The following MS4A7 variants were observed in gnomAD, a reference collection of about 807,000 sequenced individuals.
MS4A7 encodes membrane spanning 4-domains A7.
Under a neutral mutation model 23.5 loss-of-function variants are expected in MS4A7, and 21 were observed. The observed-to-expected ratio is 0.89, with a 90% confidence interval of 0.63 to 1.29. The LOEUF (loss-of-function observed/expected upper bound fraction) is 1.29. MS4A7 is among the 50% of genes most tolerant of loss of function. The pLI is 0.00. For missense variants in MS4A7, 263 were observed against 274.2 expected (o/e 0.96, Z 0.29); for synonymous variants, 111 against 107.4 (o/e 1.03, Z -0.21).
At chr11:60,392,834 G>A (rs745899295) in intron 6 of MS4A7, 48 bp downstream of exon 6, 84 of 1,366,420 alleles carry the variant, frequency 6.1e-5, no homozygotes, top group South Asian at 4.4e-4. Flanking sequence ...CTCAGGTCCA[G>A]GCTACAATAA....
rs1034277786 is a variant in MS4A7 at position 60,395,899 on chromosome 11, T to C, written c.*2038T>C. On this transcript the variant is annotated 3_prime_UTR_variant, in exon 7 of 7. Coordinates refer to ENST00000300184, the MANE Select transcript of MS4A7 (RefSeq NM_021201.5). ...ACATGTAGTACACCCTAAATATATA[T>C]AATTTTTATTTGTCAAATATACCTC... 6.6e-6 allele frequency: 1 copy of C among 152,194 alleles called. No individual in the cohort carries two copies. The highest frequency in any genetic ancestry group is 2.4e-5 in the African/African-American group (1 of 41,454). The allele number at this position is 152,194 out of a possible 1,614,324, so 9.4% of individuals were successfully genotyped here.
chr11:60,383,031 C>T, intron 1 of MS4A7, 98 bp from the exon 2 acceptor site: 1 of 1,335,840 alleles, frequency 7.5e-7, no homozygotes, highest in Non-Finnish European at 1.0e-6. Flanking sequence ...GGAATAATGG[C>T]AAATACCTTC....
In MS4A7 at chr11:60,395,791, G is replaced by GA. The variant is rs1660855636; in HGVS notation, c.*1936dup. On this transcript the variant is annotated 3_prime_UTR_variant, in exon 7 of 7. Coordinates refer to ENST00000300184, the MANE Select transcript of MS4A7 (RefSeq NM_021201.5). ...CTTAAATGTTCTCACTACAAAAAAA[G>GA]AAAAAAGATAACTACGTGAGGTGAT... 1 of 151,862 alleles carries GA rather than the reference G, an allele frequency of 6.6e-6. No individual in the cohort carries two copies. Among genetic ancestry groups the GA allele is most frequent in the South Asian group, 2.1e-4 (1 of 4,820 alleles). 9.4% of individuals were successfully genotyped at this position (151,862 alleles called of 1,614,324 possible). A position where few individuals can be genotyped will look rare whatever the true frequency, so the allele number is the denominator to read the frequency against.
At chr11:60,391,952 GA>G (rs3042727) in intron 5 of MS4A7, among the ~76,000 whole-genome samples, 4,199 of 137,544 alleles carry the variant, frequency 0.031, 173 homozygotes, top group African/African-American at 0.085. Flanking sequence ...AACCAAAATG[GA>G]AAAAAAAAAA....
chr11:60,385,271 C>T (rs747198123), intron 3 of MS4A7, 49 bp downstream of exon 3: 25 of 1,609,076 alleles, frequency 1.6e-5, no homozygotes, highest in Non-Finnish European at 2.0e-5. Flanking sequence ...TAAATGCTAA[C>T]CAGGTGCATA....
rs1369710198 is a variant in MS4A7 at position 60,393,788 on chromosome 11, G to A, written c.650G>A (p.Ser217Asn). The change falls in exon 7 of 7, where the codon AGT (serine) becomes AAT (asparagine). Residue 217 changes from serine (S) to asparagine (N), a missense_variant and splice_region_variant. Transcript: ENST00000300184. ...TCTAACCAATTATGTATTTTCTAGA[G>A]TTCATTTTCCTCGACCCAGTCACAA... ...WKQLYSNNPG[S>N]SFSSTQSQDH... The A allele has an allele frequency of 6.2e-7, 1 of 1,606,982 alleles. No homozygotes were observed. The highest frequency in any genetic ancestry group is 8.5e-7 in the Non-Finnish European group (1 of 1,176,790).
intron 4 of MS4A7, among the ~76,000 whole-genome samples, chr11:60,388,506 T>C (rs184998215): frequency 7.2e-5 from 11 of 152,304 alleles, no homozygotes; most frequent in Non-Finnish European, 1.2e-4. Flanking sequence ...GCTTCAATCA[T>C]CAGGAGCATA....
At chr11:60,390,465 T>C (rs143508125) in intron 5 of MS4A7, among the ~76,000 whole-genome samples, 5 of 152,280 alleles carry the variant, frequency 3.3e-5, no homozygotes, top group South Asian at 2.1e-4. Flanking sequence ...GATCCATCTA[T>C]CTCACAAATC....
At chr11:60,381,758 A>G (rs561408680) in intron 1 of MS4A7, among the ~76,000 whole-genome samples, 1 of 152,256 alleles carries the variant, frequency 6.6e-6, no homozygotes, top group African/African-American at 2.4e-5. Flanking sequence ...CCACAAACCT[A>G]TGAAGTGGTG....
chr11:60,380,013 C>G (rs945961808), intron 1 of MS4A7, among the ~76,000 whole-genome samples: 7 of 152,220 alleles, frequency 4.6e-5, no homozygotes, highest in African/African-American at 1.7e-4. Flanking sequence ...ATTCTACTTT[C>G]AGTGAATTTG....
intron 3 of MS4A7, 27 bp downstream of exon 3, chr11:60,385,249 G>A (rs185509607): frequency 6.2e-7 from 1 of 1,612,994 alleles, no homozygotes; most frequent in Non-Finnish European, 8.5e-7. Context: ...CTCTAAGAGG[G>A]GACATGCTTT....
intron 1 of MS4A7, among the ~76,000 whole-genome samples, chr11:60,382,477 A>G (rs1172977236): frequency 6.6e-6 from 1 of 152,230 alleles, no homozygotes; most frequent in Non-Finnish European, 1.5e-5. Context: ...ATTTAATAAC[A>G]TGTAAGTTAC....
At chr11:60,386,087 G>A (rs912173990) in intron 3 of MS4A7, among the ~76,000 whole-genome samples, 1 of 152,214 alleles carries the variant, frequency 6.6e-6, no homozygotes, top group Non-Finnish European at 1.5e-5. Flanking sequence ...CTCTTTGCCT[G>A]TGATTATTCA....
intron 5 of MS4A7, 137 bp downstream of exon 5, chr11:60,389,733 G>A: frequency 1.3e-6 from 1 of 760,216 alleles, no homozygotes; most frequent in Non-Finnish European, 2.2e-6. Context: ...AAAACTTGTG[G>A]TTGGAAGAGG....
rs2085587232 is a variant in MS4A7, at chr11:60,394,325, A to T, written c.*464A>T. ...GCCCTGGACACTCTCTGAGAAACAG[A>T]TCTACTGGGCCCTTTTTCATGAGCC... is the stretch of plus-strand genomic sequence containing the variant. On this transcript the variant is annotated 3_prime_UTR_variant, in exon 7 of 7. Transcript: ENST00000300184. 6.5e-6 allele frequency: 1 copy of T among 152,774 alleles called. No individual in the cohort carries two copies. The highest frequency in any genetic ancestry group is 2.4e-5 in the African/African-American group (1 of 41,464). The allele number at this position is 152,774 out of a possible 1,614,324, so 9.5% of individuals were successfully genotyped here.
chr11:60,387,368 T>G (rs564245073), intron 4 of MS4A7, among the ~76,000 whole-genome samples: 233 of 152,312 alleles, frequency 1.5e-3, no homozygotes, highest in African/African-American at 5.6e-3. Flanking sequence ...GGTAACAAGT[T>G]GAAAGAAGTC....
chr11:60,381,700 C>T (rs984560287), intron 1 of MS4A7, among the ~76,000 whole-genome samples: 10 of 152,172 alleles, frequency 6.6e-5, no homozygotes, highest in Non-Finnish European at 8.8e-5. Flanking sequence ...TATCACATGC[C>T]TCCCCCTATG....
rs981356213 is a variant in MS4A7, at chr11:60,379,118, G to A, written c.-14+454G>A. Among the ~76,000 whole-genome samples, 6 of 152,246 alleles carry A rather than the reference G, an allele frequency of 3.9e-5. No homozygotes were observed. The East Asian group carries it at 1.2e-3, about 29-fold the overall frequency. On this transcript the variant is annotated intron_variant, in intron 1 of 6. Coordinates refer to ENST00000300184, the MANE Select transcript of MS4A7 (RefSeq NM_021201.5). ...TCCAGTCTATCTCCTCAAGGCGAATGTGGAAGGACAAAGCATCCTCTCAGA... is the reference window on the plus strand; with the variant it reads ...TCCAGTCTATCTCCTCAAGGCGAATATGGAAGGACAAAGCATCCTCTCAGA...
intron 4 of MS4A7, among the ~76,000 whole-genome samples, chr11:60,387,194 T>C (rs2085501312): frequency 6.6e-6 from 1 of 152,148 alleles, no homozygotes; most frequent in Non-Finnish European, 1.5e-5. Context: ...TCCCCATTCA[T>C]AGAGTTGGGA....
Sources: allele counts gnomAD v4.1 joint callset (sites outside exome capture counted in the v4.1 genomes callset), GRCh38; gene constraint gnomAD v4.1.1; transcripts MANE v1.5; gene names NCBI Gene and HGNC (gene_info 2026-07-23, HGNC 2026-07-21).